The following TAPT1 variants were observed in gnomAD, a reference collection of about 807,000 sequenced individuals.
TAPT1 encodes transmembrane anterior posterior transformation protein 1 homolog.
TAPT1 carries 28 observed loss-of-function variants against 65.6 expected under a neutral mutation model. The ratio of observed to expected loss-of-function variants is 0.43; its 90% confidence interval spans 0.32 to 0.59. The LOEUF is 0.59. Ranked by LOEUF, TAPT1 falls within the 20% of genes least tolerant of loss-of-function variation. The pLI is 0.09. For synonymous variants in TAPT1, 278 were observed against 245.2 expected, an observed-to-expected ratio of 1.13 and a Z score of -1.25; for missense variants, 563 against 679.9, an observed-to-expected ratio of 0.83 and a Z score of 1.91.
rs562702155 is a variant in TAPT1, at chr4:16,173,130, A to G, written c.1236+1074T>C. On this transcript the variant is annotated intron_variant, in intron 11 of 13. Transcript: ENST00000405303. ...TGAGCCACTGTGCCCAGCTGGTTGC[A>G]TCTGTTTTGATGTTAGAATCGGTAG... 2.6e-5 allele frequency among the ~76,000 whole-genome samples: 4 copies of G among 152,254 alleles called. No homozygotes were observed. The South Asian group carries it at 8.3e-4, about 32-fold the overall frequency.
chr4:16,167,305 G>A (rs1447705538), intron 12 of TAPT1, among the ~76,000 whole-genome samples: 1 of 151,922 alleles, frequency 6.6e-6, no homozygotes, highest in African/African-American at 2.4e-5. Flanking sequence ...TAGTTCTCTT[G>A]TAAGAAATTA....
At chr4:16,201,643 T>G (rs1381696398) in intron 3 of TAPT1, among the ~76,000 whole-genome samples, 1 of 152,204 alleles carries the variant, frequency 6.6e-6, no homozygotes, top group African/African-American at 2.4e-5. Context: ...CAATAAAGCA[T>G]TAAGCTTCAT....
At chr4:16,194,735 C>T (rs1286949745) in intron 3 of TAPT1, among the ~76,000 whole-genome samples, 1 of 152,030 alleles carries the variant, frequency 6.6e-6, no homozygotes, top group Non-Finnish European at 1.5e-5. Context: ...CTGGTGGAAG[C>T]GTTCCATCCA....
chr4:16,218,699 T>C (rs904612813), intron 1 of TAPT1, among the ~76,000 whole-genome samples: 1 of 152,260 alleles, frequency 6.6e-6, no homozygotes, highest in Non-Finnish European at 1.5e-5. Context: ...AGACAGTATT[T>C]GTATGAAAGT....
intron 3 of TAPT1, chr4:16,196,764 T>C (rs1019617024): frequency 1.5e-5 from 16 of 1,088,232 alleles, no homozygotes; most frequent in South Asian, 2.6e-5. Context: ...GATTGTAATG[T>C]TGCTACGCTA....
chr4:16,212,945 T>C (rs1750729763), intron 2 of TAPT1, among the ~76,000 whole-genome samples: 1 of 152,204 alleles, frequency 6.6e-6, no homozygotes. Flanking sequence ...TTGCCTGCAG[T>C]ACCTCTTGTT....
At chr4:16,221,140 G>C (rs1186396785) in intron 1 of TAPT1, among the ~76,000 whole-genome samples, 1 of 151,216 alleles carries the variant, frequency 6.6e-6, no homozygotes, top group East Asian at 1.9e-4. Context: ...TGGAGACACA[G>C]TCTTGCTCTG....
intron 3 of TAPT1, among the ~76,000 whole-genome samples, chr4:16,198,480 T>C (rs1198477163): frequency 6.6e-6 from 1 of 152,166 alleles, no homozygotes; most frequent in African/African-American, 2.4e-5. Context: ...TTTCCTCCCT[T>C]TTGTGAAAAC....
chr4:16,222,675 G>A (rs1430203371), intron 1 of TAPT1, among the ~76,000 whole-genome samples: 1 of 152,178 alleles, frequency 6.6e-6, no homozygotes, highest in African/African-American at 2.4e-5. Context: ...CGTCCCACTC[G>A]AAATCTTTTA....
At chr4:16,227,030 C>A, upstream of TAPT1, 2 of 454,046 alleles carry the variant, frequency 4.4e-6, no homozygotes, top group Non-Finnish European at 8.8e-6. Context: ...TCACCGACCC[C>A]CACGAGCGCC....
In TAPT1 at chr4:16,184,663, G is replaced by A. The variant is rs142127520; in HGVS notation, c.916+1872C>T. The stretch of plus-strand genomic sequence containing the variant: ...GCTACAAGAGCAGTCACTCTGGAGG[G>A]TGTGCAGTGCTATCTCATTATGGCT... On this transcript the variant is annotated intron_variant, in intron 7 of 13. Coordinates refer to ENST00000405303, the MANE Select transcript of TAPT1 (RefSeq NM_153365.3). Among the ~76,000 whole-genome samples, 11 of 152,308 alleles carry A rather than the reference G, an allele frequency of 7.2e-5. 1 individual carries two copies. The East Asian group carries it at 1.9e-3, about 27-fold the overall frequency.
intron 1 of TAPT1, among the ~76,000 whole-genome samples, chr4:16,221,511 A>G (rs917950445): frequency 1.3e-5 from 2 of 152,226 alleles, no homozygotes; most frequent in East Asian, 1.9e-4. Flanking sequence ...AGCATAGTAT[A>G]AATTGCTTTT....
intron 1 of TAPT1, among the ~76,000 whole-genome samples, chr4:16,217,049 T>C (rs1235197476): frequency 6.6e-6 from 1 of 152,074 alleles, no homozygotes; most frequent in South Asian, 2.1e-4. Flanking sequence ...CGTCAATGGG[T>C]TCACACTGCT....
At chr4:16,225,644 T>G (rs1054076264) in intron 1 of TAPT1, among the ~76,000 whole-genome samples, 4 of 152,218 alleles carry the variant, frequency 2.6e-5, no homozygotes, top group Admixed American at 6.5e-5. Context: ...AATGTAGGAT[T>G]CATAAGTACA....
intron 2 of TAPT1, among the ~76,000 whole-genome samples, chr4:16,206,679 A>G (rs1404444386): frequency 6.6e-6 from 1 of 152,166 alleles, no homozygotes; most frequent in Admixed American, 6.5e-5. Context: ...GAGAAGAGCC[A>G]TCAGTGTGAA....
At position 16,174,188 on chromosome 4, in the gene TAPT1, A is replaced by G. The variant is rs1441078476; in HGVS notation, c.1236+16T>C. On this transcript the variant is annotated intron_variant, in intron 11 of 13. Transcript: ENST00000405303. Reference sequence around the variant, plus strand: ...GGCTACTTTGTTACAAAAAACATTAAAAAGTATGCACTTACTAAAACAGCT... The same window carrying G: ...GGCTACTTTGTTACAAAAAACATTAGAAAGTATGCACTTACTAAAACAGCT... 4.4e-6 allele frequency: 7 copies of G among 1,576,468 alleles called. No homozygotes were observed. The highest frequency in any genetic ancestry group is 6.0e-6 in the Non-Finnish European group (7 of 1,157,990).
In TAPT1 at chr4:16,166,615, G is replaced by T; in HGVS notation, c.1474+18C>A. ...TTTGAAAATGATCCAGGGAAGTGAA[G>T]AAAGGGACCAAACCTACCTTGAGAG... On this transcript the variant is annotated intron_variant, in intron 13 of 13. Coordinates refer to ENST00000405303, the MANE Select transcript of TAPT1 (RefSeq NM_153365.3). The T allele has an allele frequency of 6.2e-7, 1 of 1,610,190 alleles. No individual in the cohort carries two copies. Among genetic ancestry groups the T allele is most frequent in the South Asian group, 1.1e-5 (1 of 91,016 alleles).
chr4:16,201,862 C>T (rs1667567878), intron 3 of TAPT1, among the ~76,000 whole-genome samples: 1 of 152,160 alleles, frequency 6.6e-6, no homozygotes, highest in South Asian at 2.1e-4. Context: ...GGCTGTTGTG[C>T]ACAGCTCACA....
At position 16,166,825 on chromosome 4, in the gene TAPT1, T is replaced by C. The variant is rs1394841927; in HGVS notation, c.1314-32A>G. ...ACAGAAACAAAACAAACCACATCCG[T>C]TGGAATTCATCTAAATCCCTGTGAA... On this transcript the variant is annotated intron_variant, in intron 12 of 13. Transcript: ENST00000405303. 4 of 1,608,436 alleles carry C rather than the reference T, an allele frequency of 2.5e-6. No homozygotes were observed. In the Admixed American group the frequency reaches 6.7e-5, roughly 27 times the overall value.
Sources: gnomAD v4.1 joint callset for allele counts (sites outside exome capture counted in the v4.1 genomes callset) on GRCh38, gnomAD v4.1.1 for gene constraint, MANE v1.5 for transcripts, NCBI Gene and HGNC (gene_info 2026-07-23, HGNC 2026-07-21) for gene names.